Variants in ABL2 observed in about 807,000 individuals in gnomAD.
ABL2 encodes ABL proto-oncogene 2, non-receptor tyrosine kinase.
Under a neutral mutation model 107.7 loss-of-function variants are expected in ABL2, and 49 were observed. The ratio of observed to expected loss-of-function variants is 0.45; its 90% confidence interval spans 0.36 to 0.58. The LOEUF (loss-of-function observed/expected upper bound fraction) is 0.58. Ranked by LOEUF, ABL2 falls within the 20% of genes least tolerant of loss-of-function variation. The probability of loss-of-function intolerance (pLI) is 0.00; values close to 1 mark genes in which losing one functional copy is unlikely to be tolerated. For missense variants in ABL2, 1,245 were observed against 1,457.0 expected, an observed-to-expected ratio of 0.85 and a Z score of 2.37; for synonymous variants, 549 against 548.6, an observed-to-expected ratio of 1.00 and a Z score of -0.01.
At chr1:179,225,362 T>A (rs1317669530) in intron 1 of ABL2, among the ~76,000 whole-genome samples, 1 of 152,186 alleles carries the variant, frequency 6.6e-6, no homozygotes, top group African/African-American at 2.4e-5. Flanking sequence ...GACCTAACAT[T>A]CATATATGAA....
At chr1:179,174,411 C>T (rs1258389453) in intron 1 of ABL2, among the ~76,000 whole-genome samples, 2 of 151,784 alleles carry the variant, frequency 1.3e-5, no homozygotes, top group Admixed American at 6.6e-5. Flanking sequence ...GAGTTCGAGA[C>T]CAGCCTGACC....
At position 179,102,213 on chromosome 1, in the gene ABL2, G is replaced by T. The variant is rs1275778989; in HGVS notation, c.*5505C>A. The T allele has an allele frequency of 5.8e-6, 1 of 171,158 alleles. No individual in the cohort carries two copies. Among genetic ancestry groups the T allele is most frequent in the African/African-American group, 2.4e-5 (1 of 41,894 alleles). 10.6% of individuals were successfully genotyped at this position (171,158 alleles called of 1,614,324 possible). A position where few individuals can be genotyped will look rare whatever the true frequency, so the allele number is the denominator to read the frequency against. On this transcript the variant is annotated 3_prime_UTR_variant, in exon 12 of 12. Coordinates refer to ENST00000502732, the MANE Select transcript of ABL2 (RefSeq NM_007314.4). ...TTTTTAGTAGAGGTGGGGTTTCACC[G>T]TGTTAGCCAGGATGGTCTCAATCTC...
chr1:179,127,310 G>C (rs1655823257), intron 3 of ABL2, among the ~76,000 whole-genome samples: 1 of 152,168 alleles, frequency 6.6e-6, no homozygotes. Flanking sequence ...CTTCCAGAAT[G>C]CAAGTTTAAA....
intron 3 of ABL2, 82 bp downstream of exon 3, chr1:179,131,229 C>T: frequency 1.4e-6 from 2 of 1,460,086 alleles, no homozygotes; most frequent in East Asian, 2.4e-5. Flanking sequence ...TAGGTGTGAG[C>T]CACTGTGCCT....
intron 1 of ABL2, among the ~76,000 whole-genome samples, chr1:179,205,127 A>G (rs894407587): frequency 9.9e-5 from 15 of 151,740 alleles, no homozygotes; most frequent in African/African-American, 3.6e-4. Flanking sequence ...CCTGGGTTCA[A>G]GAGATTCTCC....
At chr1:179,111,182 C>T (rs1391214688) in intron 10 of ABL2, among the ~76,000 whole-genome samples, 3 of 151,536 alleles carry the variant, frequency 2.0e-5, no homozygotes, top group East Asian at 1.9e-4. Context: ...TGGGGTTTCA[C>T]CATGTTGGCC....
At chr1:179,118,349 T>C (rs1654857005) in intron 7 of ABL2, among the ~76,000 whole-genome samples, 1 of 152,158 alleles carries the variant, frequency 6.6e-6, no homozygotes, top group Non-Finnish European at 1.5e-5. Flanking sequence ...CCCATCACTA[T>C]TGCAATTTTT....
At chr1:179,139,238 G>A (rs1657340387) in intron 1 of ABL2, among the ~76,000 whole-genome samples, 2 of 152,056 alleles carry the variant, frequency 1.3e-5, no homozygotes, top group African/African-American at 4.8e-5. Flanking sequence ...GCAAAGATCT[G>A]CAGCTTCACT....
intron 1 of ABL2, among the ~76,000 whole-genome samples, chr1:179,179,874 G>C (rs527673920): frequency 6.6e-6 from 1 of 152,082 alleles, no homozygotes; most frequent in East Asian, 1.9e-4. Context: ...GGCGAGGCAG[G>C]GGGATGACTT....
intron 1 of ABL2, among the ~76,000 whole-genome samples, chr1:179,205,375 A>C (rs1184672305): frequency 2.0e-5 from 3 of 152,188 alleles, no homozygotes; most frequent in Non-Finnish European, 4.4e-5. Flanking sequence ...GGCACATAAC[A>C]AAACTACACT....
chr1:179,122,863 T>C (rs967306895), intron 4 of ABL2, among the ~76,000 whole-genome samples: 1 of 152,092 alleles, frequency 6.6e-6, no homozygotes, highest in African/African-American at 2.4e-5. Context: ...TTTCACCATG[T>C]TAGCCAGGCT....
chr1:179,130,648 G>T (rs1656203535), intron 3 of ABL2, among the ~76,000 whole-genome samples: 1 of 151,910 alleles, frequency 6.6e-6, no homozygotes. Context: ...TCAAGAGAGT[G>T]GTAGTTTATT....
rs1407891810 is a variant in ABL2 at position 179,208,906 on chromosome 1, AC to A, written c.157+20334del. ...CTAAGAATTAAATGAGATAAAGTTTACAGAAATGTTGGCACATAAATGCTCA... is the reference window on the plus strand; with the variant it reads ...CTAAGAATTAAATGAGATAAAGTTTAAGAAATGTTGGCACATAAATGCTCA... On this transcript the variant is annotated intron_variant, in intron 1 of 11. Coordinates refer to ENST00000502732, the MANE Select transcript of ABL2 (RefSeq NM_007314.4). Among the ~76,000 whole-genome samples the A allele has an allele frequency of 2.0e-5, 3 of 152,242 alleles. No individual in the cohort carries two copies. In the East Asian group the frequency reaches 5.8e-4, roughly 29 times the overall value.
intron 1 of ABL2, among the ~76,000 whole-genome samples, chr1:179,165,105 A>G (rs1659302974): frequency 6.6e-6 from 1 of 152,234 alleles, no homozygotes; most frequent in Non-Finnish European, 1.5e-5. Flanking sequence ...AAATAGCTAC[A>G]TGATGAGATG....
At chr1:179,161,816 G>T (rs1360529525) in intron 1 of ABL2, among the ~76,000 whole-genome samples, 1 of 152,186 alleles carries the variant, frequency 6.6e-6, no homozygotes, top group African/African-American at 2.4e-5. Context: ...GATCCTCAAT[G>T]CAACAGTGCT....
chr1:179,120,655 G>A (rs1004543602), intron 5 of ABL2, among the ~76,000 whole-genome samples: 1 of 152,138 alleles, frequency 6.6e-6, no homozygotes, highest in South Asian at 2.1e-4. Context: ...CTGACCTCAG[G>A]TGATTCGCCC....
chr1:179,145,962 T>C lies in ABL2; in HGVS notation c.158-12588A>G, dbSNP rs977393824. Among the ~76,000 whole-genome samples the C allele has an allele frequency of 2.0e-5, 3 of 151,810 alleles. No individual in the cohort carries two copies. The East Asian group carries it at 5.8e-4, about 29-fold the overall frequency. On this transcript the variant is annotated intron_variant, in intron 1 of 11. Coordinates refer to ENST00000502732, the MANE Select transcript of ABL2 (RefSeq NM_007314.4). ...AGGCTGGGGTGCAGTGGCGTGATCT[T>C]GGCTCACTACAACCTCCACCTCCCA...
At chr1:179,170,798 T>C (rs2087559) in intron 1 of ABL2, among the ~76,000 whole-genome samples, 52,222 of 151,910 alleles carry the variant, frequency 0.34, 9,401 homozygotes, top group East Asian at 0.48. Flanking sequence ...TTTCACCATG[T>C]TGGCCAGTCT....
At chr1:179,140,343 G>C (rs1234336877) in intron 1 of ABL2, among the ~76,000 whole-genome samples, 1 of 152,144 alleles carries the variant, frequency 6.6e-6, no homozygotes, top group Admixed American at 6.5e-5. Flanking sequence ...TACCTTCTCA[G>C]TATGTCATTC....
Sources: allele counts gnomAD v4.1 joint callset (sites outside exome capture counted in the v4.1 genomes callset), GRCh38; gene constraint gnomAD v4.1.1; transcripts MANE v1.5; gene names NCBI Gene and HGNC (gene_info 2026-07-23, HGNC 2026-07-21).